Variants in BLM observed in about 807,000 individuals in gnomAD.
BLM encodes recQ-like DNA helicase BLM.
In BLM, 95 loss-of-function variants were observed where a neutral mutation model predicts 135.3. The observed-to-expected ratio is 0.70, with a 90% confidence interval of 0.59 to 0.83. The LOEUF is 0.83. BLM is among the 40% of genes least tolerant of loss of function. BLM has a pLI of 0.00. For synonymous variants in BLM, 520 were observed against 589.2 expected (o/e 0.88, Z 1.70); for missense variants, 1,518 against 1,663.9 (o/e 0.91, Z 1.53).
chr15:90,765,273 A>G (rs757551114), intron 8 of BLM, 23 bp from the exon 9 acceptor site: 2 of 1,534,178 alleles, frequency 1.3e-6, no homozygotes, highest in African/African-American at 1.4e-5. Flanking sequence ...CCTGACAGAT[A>G]TTTTTTCATT....
chr15:90,804,300 A>G lies in BLM; in HGVS notation c.3692A>G (p.Lys1231Arg). Residue 1231 changes from lysine (K) to arginine (R), a missense_variant, in exon 19 of 22, where the codon AAA becomes AGA. This residue lies in a region of BLM where 626 missense variants were observed against 681.1 expected (regional missense o/e 0.92). Transcript: ENST00000355112. ...ACAGAAGTCTGCAAATCTCTGGGGA[A>G]AGTTTTTGGTGTCCATTACTTCAAT... Reference protein sequence around the residue: ...ELTEVCKSLGKVFGVHYFNIF... With the variant: ...ELTEVCKSLGRVFGVHYFNIF... 1 of 1,614,184 alleles carries G rather than the reference A, an allele frequency of 6.2e-7. No individual in the cohort carries two copies. Among genetic ancestry groups the G allele is most frequent in the South Asian group, 1.1e-5 (1 of 91,080 alleles).
Position 90,794,176 on chromosome 15 carries a change from A to T in BLM, c.3029A>T (p.Asp1010Val), listed in dbSNP as rs1459742200. ...TCTTCATCTCTTTTAGTGGAAAAAG[A>T]TGGAAACCATCATACAAGAGAAACT... ...RLKRLIMMEK[D>V]GNHHTRETHF... is the part of the protein sequence containing the mutation. Residue 1010 changes from aspartate to valine, a missense_variant, in exon 16 of 22, where the codon GAT (aspartate) becomes GTT (valine). Physicochemically the swap from Asp to Val is radical, Grantham distance 152. This residue lies in a region of BLM where 626 missense variants were observed against 681.1 expected (regional missense o/e 0.92). Coordinates refer to ENST00000355112, the MANE Select transcript of BLM (RefSeq NM_000057.4). 8 of 1,600,894 alleles carry T rather than the reference A, an allele frequency of 5.0e-6. No individual in the cohort carries two copies. The East Asian group carries it at 1.8e-4, about 36-fold the overall frequency.
At chr15:90,749,265 A>G (rs1895596479) in intron 2 of BLM, 102 bp from the exon 3 acceptor site, 1 of 810,654 alleles carries the variant, frequency 1.2e-6, no homozygotes, top group Non-Finnish European at 1.9e-6. Context: ...TTGGGATACA[A>G]TTAATGTAAC....
chr15:90,803,468 G>C, intron 17 of BLM, 53 bp from the exon 18 acceptor site: 1 of 1,531,142 alleles, frequency 6.5e-7, no homozygotes, highest in Non-Finnish European at 9.0e-7. Flanking sequence ...TTCTATTTGA[G>C]GGTGATGATA....
intron 12 of BLM, 93 bp downstream of exon 12, chr15:90,769,679 C>T: frequency 1.4e-6 from 2 of 1,421,930 alleles, no homozygotes; most frequent in South Asian, 2.5e-5. Flanking sequence ...TTTAACGCCA[C>T]CACCCCACCC....
intron 1 of BLM, among the ~76,000 whole-genome samples, chr15:90,730,802 A>G (rs1359557118): frequency 6.6e-6 from 1 of 152,158 alleles, no homozygotes; most frequent in Non-Finnish European, 1.5e-5. Flanking sequence ...TGATTTTATC[A>G]TATGCTTATT....
chr15:90,754,509 A>C (rs3213193), intron 4 of BLM, among the ~76,000 whole-genome samples: 1 of 152,200 alleles, frequency 6.6e-6, no homozygotes, highest in Non-Finnish European at 1.5e-5. Context: ...TGAGAGGATC[A>C]GTGGCAAAAT....
intron 1 of BLM, among the ~76,000 whole-genome samples, chr15:90,736,611 A>G (rs570800388): frequency 4.5e-4 from 68 of 152,326 alleles, no homozygotes; most frequent in African/African-American, 1.3e-3. Flanking sequence ...TTGTTGCAGC[A>G]TTATTTGTAA....
At chr15:90,805,266 T>C (rs199817569) in intron 19 of BLM, among the ~76,000 whole-genome samples, 14 of 59,824 alleles carry the variant, frequency 2.3e-4, no homozygotes, top group Non-Finnish European at 4.6e-4. Context: ...CCTATGTATG[T>C]TATATATGGT....
rs145129841 is a variant in BLM, at chr15:90,773,041, G to A, written c.2555+3455G>A. 9.1e-4 allele frequency among the ~76,000 whole-genome samples: 134 copies of A among 147,548 alleles called. 1 individual carries two copies. In the East Asian group the frequency reaches 0.018, roughly 20 times the overall value. On this transcript the variant is annotated intron_variant, in intron 12 of 21. Coordinates refer to ENST00000355112, the MANE Select transcript of BLM (RefSeq NM_000057.4). ...GAACCCGGGAGGCGGAGGTTGCAGG[G>A]AGCCGAGATTGCACCACTGCACCCC...
intron 2 of BLM, 112 bp downstream of exon 2, chr15:90,747,602 G>C: frequency 4.0e-6 from 3 of 755,460 alleles, no homozygotes; most frequent in Non-Finnish European, 6.9e-6. Flanking sequence ...ATGAAGCTGA[G>C]AGATTCATTG....
chr15:90,742,483 G>A lies in BLM; in HGVS notation c.-4-4906G>A, dbSNP rs182746165. 2.5e-3 allele frequency among the ~76,000 whole-genome samples: 381 copies of A among 152,034 alleles called. 4 individuals carry two copies. Among genetic ancestry groups the A allele is most frequent in the African/African-American group, 8.8e-3 (366 of 41,472 alleles). Reference sequence around the variant, plus strand: ...TGACAACAAAATGAATAAAAAGTAAGGTTTGACCTAGTCTTAATTTTGATA... The same window carrying A: ...TGACAACAAAATGAATAAAAAGTAAAGTTTGACCTAGTCTTAATTTTGATA... On this transcript the variant is annotated intron_variant, in intron 1 of 21. Transcript: ENST00000355112.
intron 4 of BLM, 133 bp downstream of exon 4, chr15:90,752,079 C>T: frequency 2.3e-6 from 2 of 874,022 alleles, no homozygotes; most frequent in Non-Finnish European, 1.7e-6. Flanking sequence ...AAGTGAAAGC[C>T]TCAAAAAAAA....
At chr15:90,724,746 C>T (rs1025355302) in intron 1 of BLM, among the ~76,000 whole-genome samples, 4 of 152,200 alleles carry the variant, frequency 2.6e-5, no homozygotes, top group African/African-American at 9.7e-5. Flanking sequence ...TCTCCAGGCA[C>T]ACCAGCCTCC....
At chr15:90,801,388 A>T (rs1282117351) in intron 17 of BLM, among the ~76,000 whole-genome samples, 6 of 152,242 alleles carry the variant, frequency 3.9e-5, no homozygotes, top group Admixed American at 2.6e-4. Flanking sequence ...GTAAAAGTAC[A>T]ATCGCTAAAA....
chr15:90,745,865 C>T (rs529145750), intron 1 of BLM, among the ~76,000 whole-genome samples: 2 of 152,272 alleles, frequency 1.3e-5, no homozygotes, highest in East Asian at 3.9e-4. Flanking sequence ...GACTTGAGCT[C>T]AGGAGTTCGA....
intron 12 of BLM, 94 bp from the exon 13 acceptor site, chr15:90,782,728 G>A: frequency 1.1e-6 from 1 of 934,908 alleles, no homozygotes; most frequent in South Asian, 1.4e-5. Context: ...CACACTGGGG[G>A]TTAGGATTTT....
chr15:90,751,432 GTTA>G (rs796551343), intron 3 of BLM, among the ~76,000 whole-genome samples: 60 of 152,310 alleles, frequency 3.9e-4, no homozygotes, highest in African/African-American at 1.4e-3. Flanking sequence ...CCGTGTTTGT[GTTA>G]TTATCAGACT....
chr15:90,782,713 A>G lies in BLM; in HGVS notation c.2556-109A>G, dbSNP rs539758508. The G allele has an allele frequency of 1.0e-4, 82 of 805,608 alleles. No homozygotes were observed. The South Asian group carries it at 1.2e-3, about 12-fold the overall frequency. The allele number at this position is 805,608 out of a possible 1,614,324, so 49.9% of individuals were successfully genotyped here. On this transcript the variant is annotated intron_variant, in intron 12 of 21. Coordinates refer to ENST00000355112, the MANE Select transcript of BLM (RefSeq NM_000057.4). ...TCTCCCGGAGGCTCCAACTCCTAAT[A>G]CCATCACACTGGGGGTTAGGATTTT...
Sources: allele counts gnomAD v4.1 joint callset (sites outside exome capture counted in the v4.1 genomes callset), GRCh38; gene constraint gnomAD v4.1.1; regional missense constraint gnomAD v4.1.1; transcripts MANE v1.5; gene names NCBI Gene and HGNC (gene_info 2026-07-23, HGNC 2026-07-21).